Variants in PTPRT observed in about 807,000 individuals in gnomAD.
PTPRT encodes protein tyrosine phosphatase receptor type T, also known as receptor-type tyrosine-protein phosphatase T.
Under a neutral mutation model 176.8 loss-of-function variants are expected in PTPRT, and 56 were observed. The observed-to-expected ratio is 0.32, with a 90% confidence interval of 0.26 to 0.40. The LOEUF is 0.40. Among genes scored for constraint, PTPRT ranks in the 10% least tolerant of loss-of-function variants. The pLI is 1.00. For synonymous variants in PTPRT, 783 were observed against 739.0 expected, an observed-to-expected ratio of 1.06 and a Z score of -0.96; for missense variants, 1,540 against 1,908.2, an observed-to-expected ratio of 0.81 and a Z score of 3.60.
chr20:42,314,940 AT>A (rs1162126906), intron 12 of PTPRT, among the ~76,000 whole-genome samples: 1 of 150,780 alleles, frequency 6.6e-6, no homozygotes, highest in East Asian at 1.9e-4. Flanking sequence ...ATGCCAGTTA[AT>A]TGGTGTTGTA....
intron 15 of PTPRT, among the ~76,000 whole-genome samples, chr20:42,212,932 C>A (rs1444511642): frequency 1.3e-5 from 2 of 152,158 alleles, no homozygotes; most frequent in African/African-American, 4.8e-5. Flanking sequence ...TGGCTGAGCA[C>A]ATCATTTGGG....
intron 2 of PTPRT, among the ~76,000 whole-genome samples, chr20:42,846,652 G>A (rs1406726950): frequency 2.0e-5 from 3 of 152,220 alleles, no homozygotes; most frequent in Admixed American, 2.0e-4. Context: ...TGAGTTGCAA[G>A]CCCAGCTGTC....
chr20:43,011,210 A>C (rs1985103229), intron 1 of PTPRT, among the ~76,000 whole-genome samples: 1 of 152,176 alleles, frequency 6.6e-6, no homozygotes. Flanking sequence ...CAGGCTACAG[A>C]GAATAAGAGG....
intron 2 of PTPRT, among the ~76,000 whole-genome samples, chr20:42,871,041 C>G (rs1023172641): frequency 5.9e-5 from 9 of 151,634 alleles, no homozygotes; most frequent in Non-Finnish European, 1.0e-4. Flanking sequence ...ACCTCCACCT[C>G]CCGGGTTCAA....
intron 13 of PTPRT, among the ~76,000 whole-genome samples, chr20:42,274,062 G>C (rs1377754311): frequency 2.0e-5 from 3 of 152,178 alleles, no homozygotes; most frequent in African/African-American, 7.2e-5. Flanking sequence ...CACAAAAGGA[G>C]GCAGAAACAG....
chr20:42,574,335 A>G (rs2073219224), intron 7 of PTPRT, among the ~76,000 whole-genome samples: 1 of 152,144 alleles, frequency 6.6e-6, no homozygotes, highest in Non-Finnish European at 1.5e-5. Context: ...GTACATTATC[A>G]CTATTGACAT....
chr20:42,179,659 C>G (rs987935062), intron 16 of PTPRT, among the ~76,000 whole-genome samples: 2 of 151,810 alleles, frequency 1.3e-5, no homozygotes, highest in African/African-American at 4.9e-5. Flanking sequence ...ACCCTCACCA[C>G]ATTTAGGGTC....
chr20:42,949,786 A>T (rs1981118203), intron 1 of PTPRT, among the ~76,000 whole-genome samples: 1 of 152,174 alleles, frequency 6.6e-6, no homozygotes, highest in Non-Finnish European at 1.5e-5. Flanking sequence ...CCATTCCTGA[A>T]ATCTACCCAA....
intron 1 of PTPRT, among the ~76,000 whole-genome samples, chr20:43,127,669 C>A (rs962921523): frequency 6.6e-6 from 1 of 152,154 alleles, no homozygotes; most frequent in Non-Finnish European, 1.5e-5. Context: ...TATGGCCAAC[C>A]TGGGCCCAGA....
chr20:42,341,749 G>A (rs918575847), intron 11 of PTPRT, among the ~76,000 whole-genome samples: 1 of 152,174 alleles, frequency 6.6e-6, no homozygotes, highest in Non-Finnish European at 1.5e-5. Flanking sequence ...TATGGTAGGA[G>A]GTGAGCATGA....
chr20:42,717,088 A>T, intron 6 of PTPRT, among the ~76,000 whole-genome samples: 1 of 152,030 alleles, frequency 6.6e-6, no homozygotes, highest in East Asian at 1.9e-4. Flanking sequence ...CTAATGTTAA[A>T]TGATGAGTTA....
chr20:42,627,796 A>G (rs2074321558), intron 7 of PTPRT, among the ~76,000 whole-genome samples: 1 of 151,836 alleles, frequency 6.6e-6, no homozygotes, highest in South Asian at 2.1e-4. Context: ...TTTAGTTGCA[A>G]TCTGAGACAG....
the PTPRT span, among the ~76,000 whole-genome samples, chr20:42,032,827 T>C: frequency 6.6e-6 from 1 of 152,136 alleles, no homozygotes; most frequent in African/African-American, 2.4e-5. Context: ...TTGTGAGCAA[T>C]CCTACACCCC....
chr20:42,402,483 T>TAAAAAAA, intron 9 of PTPRT, among the ~76,000 whole-genome samples: 1 of 95,156 alleles, frequency 1.1e-5, no homozygotes, highest in Non-Finnish European at 2.0e-5. Context: ...ATAGTGCAGT[T>TAAAAAAA]AAAAAAAAAA....
intron 7 of PTPRT, among the ~76,000 whole-genome samples, chr20:42,515,692 C>T (rs1211830586): frequency 7.9e-5 from 12 of 152,144 alleles, no homozygotes; most frequent in Admixed American, 6.5e-4. Flanking sequence ...TTTCAAACAG[C>T]GTGGTCCATG....
At chr20:42,229,189 T>C (rs981231350) in intron 15 of PTPRT, among the ~76,000 whole-genome samples, 1 of 152,158 alleles carries the variant, frequency 6.6e-6, no homozygotes, top group Admixed American at 6.6e-5. Flanking sequence ...GAATCTGAGA[T>C]ACTTGTTAAA....
chr20:42,409,450 C>T (rs1455729566), intron 9 of PTPRT, among the ~76,000 whole-genome samples: 3 of 131,202 alleles, frequency 2.3e-5, no homozygotes, highest in African/African-American at 8.9e-5. Flanking sequence ...CCACTGTACT[C>T]CAGCCTGGGC....
chr20:42,345,610 GTGTGTGTGTATATA>G (rs2058182266), intron 11 of PTPRT, among the ~76,000 whole-genome samples: 6 of 140,884 alleles, frequency 4.3e-5, no homozygotes, highest in African/African-American at 1.3e-4. Flanking sequence ...GTGTGTGTGT[GTGTGTGTGTATATA>G]TATGTATGAT....
chr20:42,788,067 T>C (rs1039549662), intron 3 of PTPRT, among the ~76,000 whole-genome samples: 2 of 152,106 alleles, frequency 1.3e-5, no homozygotes, highest in Non-Finnish European at 1.5e-5. Flanking sequence ...GCCAAAGATA[T>C]ATAATTTGTC....
Sources: gnomAD v4.1 joint callset for allele counts (sites outside exome capture counted in the v4.1 genomes callset) on GRCh38, gnomAD v4.1.1 for gene constraint, MANE v1.5 for transcripts, NCBI Gene and HGNC (gene_info 2026-07-23, HGNC 2026-07-21) for gene names.